The following MRTFA variants were observed in gnomAD, a reference collection of about 807,000 sequenced individuals.
MRTFA encodes the protein myocardin-related transcription factor A.
In MRTFA, 20 loss-of-function variants were observed where a neutral mutation model predicts 83.5. That is an observed-to-expected ratio of 0.24 (90% CI 0.17 to 0.35). MRTFA has a LOEUF of 0.35. Among genes scored for constraint, MRTFA ranks in the 10% least tolerant of loss-of-function variants. The pLI, the probability that MRTFA is intolerant of heterozygous loss-of-function variation, is 1.00. For synonymous variants in MRTFA, 659 were observed against 541.2 expected, an observed-to-expected ratio of 1.22 and a Z score of -3.02; for missense variants, 1,200 against 1,224.7, an observed-to-expected ratio of 0.98 and a Z score of 0.30.
chr22:40,422,671 C>T (rs887518449), intron 9 of MRTFA, among the ~76,000 whole-genome samples: 1 of 152,160 alleles, frequency 6.6e-6, no homozygotes, highest in Middle Eastern at 3.2e-3. Flanking sequence ...TGTGCAGAGG[C>T]GGGACTGGGG....
chr22:40,613,493 TG>T (rs1023618172), intron 1 of MRTFA, among the ~76,000 whole-genome samples: 5 of 152,206 alleles, frequency 3.3e-5, no homozygotes, highest in African/African-American at 1.2e-4. Context: ...CACCAATTCT[TG>T]GAACTGTCCA....
At chr22:40,598,482 T>C (rs550600937) in intron 1 of MRTFA, among the ~76,000 whole-genome samples, 2 of 152,158 alleles carry the variant, frequency 1.3e-5, no homozygotes, top group African/African-American at 4.8e-5. Context: ...TCATTTTCAG[T>C]TGGGGAACTA....
At position 40,419,235 on chromosome 22, in the gene MRTFA, G is replaced by C. The variant is rs1387462017; in HGVS notation, c.1503C>G (p.His501Gln). ...AGGCTACCACCACCTCGCCAGCCTT[G>C]TGCAGGATAGAGGTGGCGGCAGGGG... is the stretch of plus-strand genomic sequence containing the variant. The change falls in exon 12 of 15, where the codon CAC (histidine) becomes CAG (glutamine). Residue 501 changes from histidine to glutamine, a missense_variant. By Grantham distance (24) the His-to-Gln change is conservative. This residue lies in a region of MRTFA where 1,107 missense variants were observed against 1,041.8 expected (regional missense o/e 1.06). Coordinates refer to ENST00000355630, the MANE Select transcript of MRTFA (RefSeq NM_020831.6). 5.0e-6 allele frequency: 8 copies of C among 1,609,858 alleles called. No homozygotes were observed. Among genetic ancestry groups the C allele is most frequent in the South Asian group, 4.4e-5 (4 of 90,454 alleles).
chr22:40,592,456 TAAA>T (rs1195055673), intron 2 of MRTFA, among the ~76,000 whole-genome samples: 2 of 132,078 alleles, frequency 1.5e-5, no homozygotes, highest in African/African-American at 5.6e-5. Flanking sequence ...TCTCTTAACT[TAAA>T]AAAAAAAAAA....
At chr22:40,549,720 T>A (rs1026857082) in intron 3 of MRTFA, among the ~76,000 whole-genome samples, 1 of 152,078 alleles carries the variant, frequency 6.6e-6, no homozygotes, top group African/African-American at 2.4e-5. Context: ...ATAACAGGAG[T>A]ACTAGTGTCT....
chr22:40,418,918 G>A lies in MRTFA; in HGVS notation c.1820C>T (p.Ser607Phe), dbSNP rs768800616. The A allele has an allele frequency of 6.2e-7, 1 of 1,612,798 alleles. No individual in the cohort carries two copies. The highest frequency in any genetic ancestry group is 8.5e-7 in the Non-Finnish European group (1 of 1,179,908). ...CCGCCCCCCAGGGCTCAGGCAACAG[G>A]ACCCGGCCCGGGGGCCCTCCTCCTT... The change falls in exon 12 of 15, where the codon TCC becomes TTC. Residue 607 changes from serine (S) to phenylalanine (F), a missense_variant. Physicochemically the swap from Ser to Phe is radical, Grantham distance 155. Transcript: ENST00000355630.
intron 1 of MRTFA, among the ~76,000 whole-genome samples, chr22:40,614,573 C>T (rs978288411): frequency 3.3e-5 from 5 of 152,138 alleles, no homozygotes; most frequent in African/African-American, 7.2e-5. Context: ...CTGCAACCTA[C>T]GCATCCTGGG....
At chr22:40,519,441 G>A (rs1320857654) in intron 3 of MRTFA, 3 of 1,334,100 alleles carry the variant, frequency 2.2e-6, no homozygotes, top group South Asian at 1.2e-5. Context: ...AGATGAAGGC[G>A]ATGTTGTTTT....
chr22:40,633,502 T>G (rs1393468105), intron 1 of MRTFA, among the ~76,000 whole-genome samples: 1 of 152,212 alleles, frequency 6.6e-6, no homozygotes, highest in African/African-American at 2.4e-5. Context: ...TTAAATACAC[T>G]TAAATAAGTA....
chr22:40,609,281 A>G (rs1421091244), intron 1 of MRTFA, among the ~76,000 whole-genome samples: 1 of 140,966 alleles, frequency 7.1e-6, no homozygotes, highest in Non-Finnish European at 1.5e-5. Context: ...ACAGAGCAAG[A>G]CTCCTTCTCA....
chr22:40,528,084 G>A (rs2055009940), intron 3 of MRTFA, among the ~76,000 whole-genome samples: 1 of 152,124 alleles, frequency 6.6e-6, no homozygotes, highest in Non-Finnish European at 1.5e-5. Flanking sequence ...TGTCTTCTGA[G>A]ATCATCATTA....
chr22:40,622,467 C>T (rs943515396), intron 1 of MRTFA, among the ~76,000 whole-genome samples: 2 of 147,318 alleles, frequency 1.4e-5, no homozygotes, highest in African/African-American at 5.0e-5. Flanking sequence ...GGTGACAGAG[C>T]GAGACTCCCA....
At chr22:40,484,356 G>A (rs1228649786) in intron 3 of MRTFA, among the ~76,000 whole-genome samples, 1 of 152,076 alleles carries the variant, frequency 6.6e-6, no homozygotes, top group Non-Finnish European at 1.5e-5. Flanking sequence ...CTACAAATCA[G>A]CTAAACTTGT....
chr22:40,461,095 A>C (rs1343265348), intron 4 of MRTFA, among the ~76,000 whole-genome samples: 1 of 150,254 alleles, frequency 6.7e-6, no homozygotes, highest in African/African-American at 2.5e-5. Context: ...AGGGCTATTC[A>C]GGAGGCTGAG....
At chr22:40,595,281 G>C (rs990361076) in intron 1 of MRTFA, among the ~76,000 whole-genome samples, 1 of 151,552 alleles carries the variant, frequency 6.6e-6, no homozygotes, top group Non-Finnish European at 1.5e-5. Flanking sequence ...CCATTACGTC[G>C]GGCTATTTTT....
chr22:40,631,369 C>T (rs2056640231), intron 1 of MRTFA, among the ~76,000 whole-genome samples: 1 of 152,082 alleles, frequency 6.6e-6, no homozygotes, highest in East Asian at 1.9e-4. Flanking sequence ...GTTCCAAGGA[C>T]TTTATATATT....
At position 40,538,439 on chromosome 22, in the gene MRTFA, G is replaced by A. The variant is rs185862287; in HGVS notation, c.241+13667C>T. 7.1e-4 allele frequency among the ~76,000 whole-genome samples: 107 copies of A among 150,784 alleles called. 1 individual carries two copies. The East Asian group carries it at 0.013, about 19-fold the overall frequency. ...AGGGACACAAACACTGCAGAAGGCCGCAGGGTCCTCTGCCTAGGAAAACCA... is the reference window on the plus strand; with the variant it reads ...AGGGACACAAACACTGCAGAAGGCCACAGGGTCCTCTGCCTAGGAAAACCA... On this transcript the variant is annotated intron_variant, in intron 3 of 14. Transcript: ENST00000355630.
chr22:40,588,826 T>C (rs1353613871), intron 2 of MRTFA, among the ~76,000 whole-genome samples: 1 of 151,906 alleles, frequency 6.6e-6, no homozygotes, highest in Non-Finnish European at 1.5e-5. Context: ...TACAAAAAAT[T>C]TAAAAATTAG....
chr22:40,577,219 G>A (rs1556013469), intron 2 of MRTFA, among the ~76,000 whole-genome samples: 1 of 108,762 alleles, frequency 9.2e-6, no homozygotes. Flanking sequence ...CTGAGTAACA[G>A]AGTAAGACCC....
Sources: allele counts gnomAD v4.1 joint callset (sites outside exome capture counted in the v4.1 genomes callset), GRCh38; gene constraint gnomAD v4.1.1; regional missense constraint gnomAD v4.1.1; transcripts MANE v1.5; gene names NCBI Gene and HGNC (gene_info 2026-07-23, HGNC 2026-07-21).